Variants in DPYSL3 observed in about 807,000 individuals in gnomAD.
DPYSL3 encodes the protein dihydropyrimidinase-related protein 3.
DPYSL3 carries 16 observed loss-of-function variants against 66.1 expected under a neutral mutation model. That is an observed-to-expected ratio of 0.24 (90% confidence interval 0.16 to 0.37). The LOEUF (loss-of-function observed/expected upper bound fraction) is 0.37, where lower values mean the gene tolerates loss of function less well. DPYSL3 is among the 10% of genes least tolerant of loss of function. The pLI is 1.00. For synonymous variants in DPYSL3, 338 were observed against 345.1 expected, an observed-to-expected ratio of 0.98 and a Z score of 0.23; for missense variants, 738 against 916.2, an observed-to-expected ratio of 0.81 and a Z score of 2.51.
chr5:147,421,478 T>C (rs1015492929), intron 2 of DPYSL3, among the ~76,000 whole-genome samples: 1 of 152,164 alleles, frequency 6.6e-6, no homozygotes, highest in Non-Finnish European at 1.5e-5. Context: ...CAAGCTACCA[T>C]TGATTTTCTT....
chr5:147,402,183 T>C (rs2152017541), intron 8 of DPYSL3, among the ~76,000 whole-genome samples: 1 of 152,278 alleles, frequency 6.6e-6, no homozygotes, highest in Middle Eastern at 3.4e-3. Flanking sequence ...GGATGTTTGG[T>C]AAATATCGCT....
rs537272617 is a variant in DPYSL3, at chr5:147,476,375, A to C, written c.381+33103T>G. Among the ~76,000 whole-genome samples the C allele has an allele frequency of 3.9e-5, 6 of 152,280 alleles. No individual in the cohort carries two copies. The East Asian group carries it at 1.2e-3, about 29-fold the overall frequency. ...TGATATTCGTAATGATGAGTAGAGAAATATGGTAGATTAGATCATTTAGTT... is the reference window on the plus strand; with the variant it reads ...TGATATTCGTAATGATGAGTAGAGACATATGGTAGATTAGATCATTTAGTT... On this transcript the variant is annotated intron_variant, in intron 1 of 13. Coordinates refer to ENST00000343218, the MANE Select transcript of DPYSL3 (RefSeq NM_001197294.2).
At chr5:147,480,028 T>G (rs1468429483) in intron 1 of DPYSL3, among the ~76,000 whole-genome samples, 2 of 152,142 alleles carry the variant, frequency 1.3e-5, no homozygotes, top group Admixed American at 1.3e-4. Context: ...CTTCACCACT[T>G]TATACTCTTT....
chr5:147,471,649 G>C (rs1753087198), intron 1 of DPYSL3, among the ~76,000 whole-genome samples: 1 of 151,978 alleles, frequency 6.6e-6, no homozygotes, highest in Non-Finnish European at 1.5e-5. Context: ...GCACTTCTCA[G>C]AGAAAAAGGA....
chr5:147,430,806 G>C (rs1019961755), intron 1 of DPYSL3, among the ~76,000 whole-genome samples: 179 of 152,258 alleles, frequency 1.2e-3, no homozygotes, highest in Non-Finnish European at 1.3e-4. Context: ...GCCTCTCAGA[G>C]AAACCAAAGC....
chr5:147,393,034 C>T lies in DPYSL3; in HGVS notation c.*1001G>A, dbSNP rs1181832633. The T allele has an allele frequency of 6.6e-6, 1 of 152,166 alleles. No homozygotes were observed. Among genetic ancestry groups the T allele is most frequent in the Non-Finnish European group, 1.5e-5 (1 of 68,038 alleles). 9.4% of individuals were successfully genotyped at this position (152,166 alleles called of 1,614,324 possible). The stretch of plus-strand genomic sequence containing the variant: ...ACACAAACTGCCTGTAAGAGAGGCC[C>T]TTCATTCTGCCTCATCTGAGCTAAA... On this transcript the variant is annotated 3_prime_UTR_variant, in exon 14 of 14. Coordinates refer to ENST00000343218, the MANE Select transcript of DPYSL3 (RefSeq NM_001197294.2).
At chr5:147,454,954 T>C (rs1272596153) in intron 1 of DPYSL3, among the ~76,000 whole-genome samples, 1 of 152,118 alleles carries the variant, frequency 6.6e-6, no homozygotes, top group African/African-American at 2.4e-5. Context: ...AAAAAAAGAC[T>C]TGCTATGCAA....
At chr5:147,482,997 G>A (rs972948081) in intron 1 of DPYSL3, among the ~76,000 whole-genome samples, 7 of 152,138 alleles carry the variant, frequency 4.6e-5, no homozygotes, top group Non-Finnish European at 1.0e-4. Flanking sequence ...CAGCATGGGG[G>A]AACTGCTCCC....
intron 1 of DPYSL3, among the ~76,000 whole-genome samples, chr5:147,449,140 G>A (rs754613899): frequency 8.3e-6 from 1 of 120,184 alleles, no homozygotes; most frequent in Non-Finnish European, 1.8e-5. Context: ...TCCAAAGGTC[G>A]GATTGCATTT....
chr5:147,409,803 G>C (rs1243094972), intron 6 of DPYSL3, among the ~76,000 whole-genome samples: 5 of 152,164 alleles, frequency 3.3e-5, no homozygotes, highest in Admixed American at 2.0e-4. Flanking sequence ...AGACACATAG[G>C]AAAAATGGTG....
chr5:147,453,661 C>A lies in DPYSL3; in HGVS notation c.382-28698G>T, dbSNP rs568282671. 264 of 1,483,790 alleles carry A rather than the reference C, an allele frequency of 1.8e-4. 2 individuals carry two copies. The East Asian group carries it at 6.0e-3, about 34-fold the overall frequency. The allele number at this position is 1,483,790 out of a possible 1,614,324, so 91.9% of individuals were successfully genotyped here. A position where few individuals can be genotyped will look rare whatever the true frequency, so the allele number is the denominator to read the frequency against. On this transcript the variant is annotated intron_variant, in intron 1 of 13. Coordinates refer to ENST00000343218, the MANE Select transcript of DPYSL3 (RefSeq NM_001197294.2). ...TCCGGCTCGCCCGCGCCTTCCTCAG[C>A]GCACAGCGCCCCGAGATCAGGTGGA...
At chr5:147,476,844 G>A (rs778138680) in intron 1 of DPYSL3, among the ~76,000 whole-genome samples, 19 of 152,122 alleles carry the variant, frequency 1.2e-4, no homozygotes, top group Non-Finnish European at 2.5e-4. Flanking sequence ...CATGAACAAT[G>A]TTCATTGCAA....
chr5:147,493,409 C>CA (rs1456838475), intron 1 of DPYSL3, among the ~76,000 whole-genome samples: 2 of 151,990 alleles, frequency 1.3e-5, no homozygotes, highest in African/African-American at 4.8e-5. Flanking sequence ...AGCATCTCTA[C>CA]AAAAAATTTA....
chr5:147,437,451 T>C (rs1752433076), intron 1 of DPYSL3, among the ~76,000 whole-genome samples: 1 of 152,182 alleles, frequency 6.6e-6, no homozygotes, highest in Non-Finnish European at 1.5e-5. Context: ...TTTTTAAAGC[T>C]TGTGGGAGCT....
intron 2 of DPYSL3, among the ~76,000 whole-genome samples, chr5:147,422,995 G>A (rs1212027978): frequency 6.6e-6 from 1 of 151,954 alleles, no homozygotes; most frequent in Non-Finnish European, 1.5e-5. Context: ...AGAACTTAAA[G>A]TATAATAATA....
chr5:147,482,243 G>A lies in DPYSL3; in HGVS notation c.381+27235C>T, dbSNP rs559224196. 5.9e-5 allele frequency among the ~76,000 whole-genome samples: 9 copies of A among 152,260 alleles called. No individual in the cohort carries two copies. The East Asian group carries it at 1.5e-3, about 26-fold the overall frequency. On this transcript the variant is annotated intron_variant, in intron 1 of 13. Coordinates refer to ENST00000343218, the MANE Select transcript of DPYSL3 (RefSeq NM_001197294.2). ...CACGATAAACAATAGCTATCAGTTT[G>A]GATCTCATAAAACCCAATCATGAAA...
At chr5:147,497,366 G>A (rs369374467) in intron 1 of DPYSL3, among the ~76,000 whole-genome samples, 5 of 151,670 alleles carry the variant, frequency 3.3e-5, no homozygotes, top group Admixed American at 2.0e-4. Flanking sequence ...AAACCTGCAC[G>A]TCATGCACAC....
chr5:147,395,499 C>T (rs894027545), intron 13 of DPYSL3, 60 bp downstream of exon 13: 8 of 1,551,470 alleles, frequency 5.2e-6, no homozygotes, highest in Non-Finnish European at 6.1e-6. Context: ...CCTGTGGCCT[C>T]AGAACATTGA....
At chr5:147,487,964 T>C (rs1302294147) in intron 1 of DPYSL3, among the ~76,000 whole-genome samples, 1 of 152,210 alleles carries the variant, frequency 6.6e-6, no homozygotes, top group Admixed American at 6.5e-5. Context: ...TAGGATAAAA[T>C]TGTGTCTCTG....
Sources: allele counts gnomAD v4.1 joint callset (sites outside exome capture counted in the v4.1 genomes callset), GRCh38; gene constraint gnomAD v4.1.1; transcripts MANE v1.5; gene names NCBI Gene and HGNC (gene_info 2026-07-23, HGNC 2026-07-21).